ATP6V1C1: variants seen among roughly 807,000 people sequenced by gnomAD.
ATP6V1C1 encodes the protein V-type proton ATPase subunit C 1.
In ATP6V1C1, 45 loss-of-function variants were observed where a neutral mutation model predicts 53.9. The observed-to-expected ratio is 0.83, with a 90% CI of 0.66 to 1.07. The LOEUF (loss-of-function observed/expected upper bound fraction) is 1.07. ATP6V1C1 is among the 50% of genes least tolerant of loss of function. The probability of loss-of-function intolerance (pLI) is 0.00; values close to 1 mark genes in which losing one functional copy is unlikely to be tolerated. For synonymous variants in ATP6V1C1, 153 were observed against 155.2 expected (o/e 0.99, Z 0.11); for missense variants, 315 against 440.3 (o/e 0.72, Z 2.55).
intron 1 of ATP6V1C1, among the ~76,000 whole-genome samples, chr8:103,031,951 G>C (rs1816803403): frequency 2.6e-5 from 4 of 151,838 alleles, no homozygotes; most frequent in Non-Finnish European, 4.4e-5. Flanking sequence ...GTAAATACTT[G>C]TGACCTTGGG....
Position 103,069,676 on chromosome 8 carries a change from G to T in ATP6V1C1, c.*929G>T, listed in dbSNP as rs551047578. On this transcript the variant is annotated 3_prime_UTR_variant, in exon 13 of 13. Coordinates refer to ENST00000518738, the MANE Select transcript of ATP6V1C1 (RefSeq NM_001695.5). ...GACATAGTCTGAAAATAGAGACATT[G>T]TTGGCCTTTAAAATCTCAGAAATGA... is the stretch of plus-strand genomic sequence containing the variant. 57 of 152,288 alleles carry T rather than the reference G, an allele frequency of 3.7e-4. No homozygotes were observed. The highest frequency in any genetic ancestry group is 1.3e-3 in the African/African-American group (55 of 41,556). 9.4% of individuals were successfully genotyped at this position (152,288 alleles called of 1,614,324 possible). A position where few individuals can be genotyped will look rare whatever the true frequency, so the allele number is the denominator to read the frequency against.
At chr8:103,036,756 A>G (rs1816905338) in intron 1 of ATP6V1C1, among the ~76,000 whole-genome samples, 1 of 152,188 alleles carries the variant, frequency 6.6e-6, no homozygotes, top group South Asian at 2.1e-4. Flanking sequence ...GTAGTATGAT[A>G]GTGACATCTA....
At chr8:103,042,578 A>G (rs549342844) in intron 3 of ATP6V1C1, among the ~76,000 whole-genome samples, 171 bp downstream of exon 3, 36 of 152,192 alleles carry the variant, frequency 2.4e-4, no homozygotes, top group Non-Finnish European at 4.6e-4. Context: ...CATAAAATGC[A>G]CCTGTTTGAA....
chr8:103,065,455 G>A (rs187605759), intron 11 of ATP6V1C1, among the ~76,000 whole-genome samples: 2 of 152,288 alleles, frequency 1.3e-5, no homozygotes, highest in East Asian at 1.9e-4. Context: ...TTGGGAGACT[G>A]AGGCAGAGAA....
intron 3 of ATP6V1C1, among the ~76,000 whole-genome samples, 164 bp downstream of exon 3, chr8:103,042,571 A>G (rs1042067154): frequency 2.0e-5 from 3 of 152,202 alleles, no homozygotes; most frequent in Non-Finnish European, 4.4e-5. Context: ...CAATTTACAT[A>G]AAATGCACCT....
At chr8:103,063,321 T>G in intron 10 of ATP6V1C1, 93 bp downstream of exon 10, 3 of 868,980 alleles carry the variant, frequency 3.5e-6, no homozygotes, top group Non-Finnish European at 5.2e-6. Flanking sequence ...AAAATCTGCT[T>G]TGGTTTTAAG....
chr8:103,023,280 CTTTT>C (rs576209249), intron 1 of ATP6V1C1, among the ~76,000 whole-genome samples: 5 of 113,064 alleles, frequency 4.4e-5, no homozygotes, highest in Non-Finnish European at 5.5e-5. Context: ...CAGGTTGTGG[CTTTT>C]TTTTTTTTTT....
rs979255814 is a variant in ATP6V1C1, at chr8:103,070,035, C to T, written c.*1288C>T. 2 of 152,100 alleles carry T rather than the reference C, an allele frequency of 1.3e-5. No individual in the cohort carries two copies. Among genetic ancestry groups the T allele is most frequent in the African/African-American group, 4.8e-5 (2 of 41,414 alleles). 9.4% of individuals were successfully genotyped at this position (152,100 alleles called of 1,614,324 possible). ...TACATCTCTGTCTCACACACACACA[C>T]GTATACACACACACAGTTTATTTTT... On this transcript the variant is annotated 3_prime_UTR_variant, in exon 13 of 13. Transcript: ENST00000518738.
intron 1 of ATP6V1C1, among the ~76,000 whole-genome samples, chr8:103,022,258 G>T (rs1816610577): frequency 6.6e-6 from 1 of 152,120 alleles, no homozygotes; most frequent in African/African-American, 2.4e-5. Flanking sequence ...TACAGGCAGG[G>T]AAAGCCACAG....
rs1159968392 is a variant in ATP6V1C1 at position 103,069,921 on chromosome 8, C to A, written c.*1174C>A. On this transcript the variant is annotated 3_prime_UTR_variant, in exon 13 of 13. Coordinates refer to ENST00000518738, the MANE Select transcript of ATP6V1C1 (RefSeq NM_001695.5). ...AATAATTTCAAGCAAATACAGACAT[C>A]CACAATGTAGAACATGAGAGACCCC... The A allele has an allele frequency of 6.6e-6, 1 of 152,176 alleles. No individual in the cohort carries two copies. Among genetic ancestry groups the A allele is most frequent in the African/African-American group, 2.4e-5 (1 of 41,428 alleles). 9.4% of individuals were successfully genotyped at this position (152,176 alleles called of 1,614,324 possible).
chr8:103,049,177 T>C (rs187851693), intron 4 of ATP6V1C1, among the ~76,000 whole-genome samples: 1 of 152,368 alleles, frequency 6.6e-6, no homozygotes, highest in Non-Finnish European at 1.5e-5. Context: ...ATATGTAATA[T>C]AGCTTATAAT....
At chr8:103,058,777 T>A (rs981603391) in intron 8 of ATP6V1C1, among the ~76,000 whole-genome samples, 1 of 152,242 alleles carries the variant, frequency 6.6e-6, no homozygotes, top group African/African-American at 2.4e-5. Flanking sequence ...TCACAAAATA[T>A]AACTATTTAT....
At chr8:103,029,807 A>G (rs972459079) in intron 1 of ATP6V1C1, among the ~76,000 whole-genome samples, 4 of 151,864 alleles carry the variant, frequency 2.6e-5, no homozygotes, top group Non-Finnish European at 5.9e-5. Context: ...ATCTCGGCTC[A>G]CCGCAACCTC....
intron 1 of ATP6V1C1, among the ~76,000 whole-genome samples, chr8:103,027,144 T>A (rs1308790565): frequency 6.6e-6 from 1 of 152,248 alleles, no homozygotes; most frequent in Non-Finnish European, 1.5e-5. Flanking sequence ...TGTGCACATT[T>A]GGAAGGCTAT....
rs1163758147 is a variant in ATP6V1C1, at chr8:103,070,155, AC to A, written c.*1410del. 2.0e-5 allele frequency: 3 copies of A among 152,254 alleles called. No individual in the cohort carries two copies. The highest frequency in any genetic ancestry group is 7.2e-5 in the African/African-American group (3 of 41,448). The allele number at this position is 152,254 out of a possible 1,614,324, so 9.4% of individuals were successfully genotyped here. A position where few individuals can be genotyped will look rare whatever the true frequency, so the allele number is the denominator to read the frequency against. On this transcript the variant is annotated 3_prime_UTR_variant, in exon 13 of 13. Transcript: ENST00000518738. ...CCTTTGTGTCAGTGAAGCTGGAGCT[AC>A]CTCATTCTTTTAACTGGCTGCGTGG...
intron 6 of ATP6V1C1, among the ~76,000 whole-genome samples, chr8:103,053,048 CT>C (rs1817227795): frequency 6.6e-6 from 1 of 151,970 alleles, no homozygotes. Flanking sequence ...ATAAATAATA[CT>C]TGTGAACTGG....
chr8:103,023,912 G>A (rs531487299), intron 1 of ATP6V1C1, among the ~76,000 whole-genome samples: 18 of 151,414 alleles, frequency 1.2e-4, no homozygotes, highest in African/African-American at 4.4e-4. Flanking sequence ...TTTTGGGGGG[G>A]GGGAACTTCT....
chr8:103,066,099 T>C (rs1278274023), intron 11 of ATP6V1C1, among the ~76,000 whole-genome samples: 1 of 152,170 alleles, frequency 6.6e-6, no homozygotes, highest in African/African-American at 2.4e-5. Context: ...TAGAGATTTC[T>C]AGTGGACAGT....
chr8:103,040,144 A>G (rs1010345422), intron 1 of ATP6V1C1, among the ~76,000 whole-genome samples: 3 of 151,516 alleles, frequency 2.0e-5, no homozygotes, highest in Non-Finnish European at 4.4e-5. Flanking sequence ...TAAATTTCCT[A>G]TTTTGGTTGT....
Sources: allele counts gnomAD v4.1 joint callset (sites outside exome capture counted in the v4.1 genomes callset), GRCh38; gene constraint gnomAD v4.1.1; transcripts MANE v1.5; gene names NCBI Gene and HGNC (gene_info 2026-07-23, HGNC 2026-07-21).